CLEC16A: variants seen among roughly 807,000 people sequenced by gnomAD.
The protein encoded by CLEC16A is protein CLEC16A.
Under a neutral mutation model 109.5 loss-of-function variants are expected in CLEC16A, and 51 were observed. The observed-to-expected ratio is 0.47, with a 90% confidence interval of 0.37 to 0.59. The LOEUF (loss-of-function observed/expected upper bound fraction) is 0.59. Ranked by LOEUF, CLEC16A falls within the 20% of genes least tolerant of loss-of-function variation. CLEC16A has a pLI of 0.00. For missense variants in CLEC16A, 1,339 were observed against 1,394.0 expected, an observed-to-expected ratio of 0.96 and a Z score of 0.63; for synonymous variants, 673 against 564.2, an observed-to-expected ratio of 1.19 and a Z score of -2.73.
At chr16:11,102,529 C>G (rs566606664) in intron 19 of CLEC16A, among the ~76,000 whole-genome samples, 10 of 152,366 alleles carry the variant, frequency 6.6e-5, no homozygotes, top group African/African-American at 2.4e-4. Context: ...TGCCAAACGG[C>G]TATAAATGTG....
chr16:11,123,579 G>A (rs572693608), intron 20 of CLEC16A, among the ~76,000 whole-genome samples, 163 bp from the exon 21 acceptor site: 9 of 152,278 alleles, frequency 5.9e-5, no homozygotes, highest in African/African-American at 2.2e-4. Context: ...GGTCTGCCTT[G>A]TGCCCATCCA....
At chr16:11,151,425 G>T (rs1021506456) in intron 22 of CLEC16A, among the ~76,000 whole-genome samples, 4 of 152,218 alleles carry the variant, frequency 2.6e-5, no homozygotes, top group Admixed American at 2.6e-4. Flanking sequence ...CCTGCCCAGT[G>T]CTCCAGGCTG....
At chr16:11,044,173 A>AT (rs2047506734) in intron 16 of CLEC16A, 101 bp downstream of exon 16, 2 of 966,554 alleles carry the variant, frequency 2.1e-6, no homozygotes, top group East Asian at 2.8e-5. Flanking sequence ...GTCTTCAGTT[A>AT]TTTTTTATGC....
intron 14 of CLEC16A, chr16:11,041,321 T>TTAGA (rs2047323209): frequency 6.6e-6 from 1 of 152,266 alleles, no homozygotes; most frequent in Non-Finnish European, 1.5e-5. Context: ...GTAAGCTGTG[T>TTAGA]TAGAGCTCTC....
chr16:11,149,465 A>G (rs555394065), intron 22 of CLEC16A, among the ~76,000 whole-genome samples: 1 of 147,062 alleles, frequency 6.8e-6, no homozygotes, highest in South Asian at 2.1e-4. Flanking sequence ...TCTCTCATTT[A>G]AAAAAAAAAA....
chr16:11,045,328 A>G (rs1189472107), intron 16 of CLEC16A, among the ~76,000 whole-genome samples: 1 of 152,130 alleles, frequency 6.6e-6, no homozygotes, highest in Non-Finnish European at 1.5e-5. Context: ...AGCCTGGGTG[A>G]TAGGTGAGAC....
chr16:10,963,314 A>C (rs1388436444), intron 3 of CLEC16A, among the ~76,000 whole-genome samples: 6 of 152,178 alleles, frequency 3.9e-5, no homozygotes, highest in Non-Finnish European at 8.8e-5. Context: ...CTGTCTTCAA[A>C]TACAGCCACA....
intron 19 of CLEC16A, among the ~76,000 whole-genome samples, chr16:11,120,057 C>T: frequency 6.6e-6 from 1 of 152,220 alleles, no homozygotes; most frequent in East Asian, 1.9e-4. Flanking sequence ...GCAACCTCCA[C>T]CTCCCAGATA....
intron 19 of CLEC16A, among the ~76,000 whole-genome samples, chr16:11,114,177 G>A (rs1190521010): frequency 7.1e-6 from 1 of 141,136 alleles, no homozygotes; most frequent in Non-Finnish European, 1.6e-5. Flanking sequence ...GTGTGTGTGT[G>A]TTTATTGGCA....
At chr16:10,990,310 G>A (rs913922097) in intron 10 of CLEC16A, among the ~76,000 whole-genome samples, 1 of 152,220 alleles carries the variant, frequency 6.6e-6, no homozygotes, top group Non-Finnish European at 1.5e-5. Context: ...CTATGTTTAA[G>A]AGGATTTGAT....
intron 20 of CLEC16A, among the ~76,000 whole-genome samples, chr16:11,123,110 G>T (rs2052554214): frequency 1.3e-5 from 2 of 151,884 alleles, no homozygotes; most frequent in African/African-American, 4.8e-5. Context: ...CACCCTCTTG[G>T]CCAGGCTGGT....
intron 19 of CLEC16A, among the ~76,000 whole-genome samples, chr16:11,096,071 C>T (rs960162635): frequency 6.6e-6 from 1 of 152,038 alleles, no homozygotes; most frequent in African/African-American, 2.4e-5. Flanking sequence ...CCATGGCTCA[C>T]GCATGTAATC....
intron 23 of CLEC16A, among the ~76,000 whole-genome samples, chr16:11,173,548 G>T (rs1466560959): frequency 2.0e-5 from 3 of 152,144 alleles, no homozygotes; most frequent in Non-Finnish European, 4.4e-5. Flanking sequence ...CTGAGGGAGA[G>T]GCTCGTGGAG....
chr16:10,945,061 T>G (rs1385942813), intron 1 of CLEC16A, among the ~76,000 whole-genome samples: 3 of 152,228 alleles, frequency 2.0e-5, no homozygotes, highest in Non-Finnish European at 2.9e-5. Flanking sequence ...AGGATGCGAT[T>G]TCAGTTTATG....
intron 19 of CLEC16A, among the ~76,000 whole-genome samples, chr16:11,114,847 C>T (rs550070355): frequency 8.5e-4 from 130 of 152,264 alleles, no homozygotes; most frequent in African/African-American, 2.6e-3. Flanking sequence ...CTGTAGAAGC[C>T]GCTTCATTTC....
intron 11 of CLEC16A, among the ~76,000 whole-genome samples, chr16:11,012,421 C>A (rs1232962742): frequency 6.6e-6 from 1 of 151,850 alleles, no homozygotes; most frequent in East Asian, 1.9e-4. Flanking sequence ...CGGTGAAACC[C>A]TGTCTCTACT....
chr16:10,971,131 A>G lies in CLEC16A; in HGVS notation c.499A>G (p.Asn167Asp). The change falls in exon 5 of 24, where the codon AAT becomes GAT. Residue 167 changes from asparagine (N) to aspartate (D), a missense_variant. Asn to Asp is a conservative substitution (Grantham distance 23, BLOSUM62 1). Around this residue, in one of 3 missense-constraint regions of CLEC16A, gnomAD observed 161 missense variants for 267.1 expected, o/e 0.60. Transcript: ENST00000409790. The part of the protein sequence containing the change: ...TVHFFYNEHT[N>D]DFALYTEAIK... ...GTTATTTCTTTTGTTTTAGCACACCAATGACTTTGCCCTGTACACAGAAGC... is the reference window on the plus strand; with the variant it reads ...GTTATTTCTTTTGTTTTAGCACACCGATGACTTTGCCCTGTACACAGAAGC... 1 of 1,611,480 alleles carries G rather than the reference A, an allele frequency of 6.2e-7. No individual in the cohort carries two copies. Among genetic ancestry groups the G allele is most frequent in the Non-Finnish European group, 8.5e-7 (1 of 1,177,906 alleles).
intron 21 of CLEC16A, among the ~76,000 whole-genome samples, chr16:11,124,814 C>T (rs528185066): frequency 1.7e-4 from 26 of 152,228 alleles, no homozygotes; most frequent in African/African-American, 6.3e-4. Context: ...TGACCAGGCA[C>T]GGTGGTTCAT....
chr16:11,139,458 T>A (rs1008505262), intron 22 of CLEC16A, among the ~76,000 whole-genome samples: 1 of 152,246 alleles, frequency 6.6e-6, no homozygotes, highest in African/African-American at 2.4e-5. Context: ...ATTATTTTTT[T>A]TAACATCTCA....
Sources: gnomAD v4.1 joint callset for allele counts (sites outside exome capture counted in the v4.1 genomes callset) on GRCh38, gnomAD v4.1.1 for gene constraint, gnomAD v4.1.1 regional missense constraint, MANE v1.5 for transcripts, NCBI Gene and HGNC (gene_info 2026-07-23, HGNC 2026-07-21) for gene names.